Variants in SAMMSON observed in about 807,000 individuals in gnomAD.
SAMMSON encodes survival associated mitochondrial melanoma specific oncogenic non-coding RNA, also known as long intergenic non-protein coding RNA 1212.
chr3:70,362,030 C>T (rs1470105931), intron 9 of SAMMSON, among the ~76,000 whole-genome samples: 2 of 152,084 alleles, frequency 1.3e-5, no homozygotes, highest in African/African-American at 4.8e-5. Context: ...TACACCTTGG[C>T]TGTTGTCTAC....
intron 4 of SAMMSON, among the ~76,000 whole-genome samples, chr3:70,231,869 G>T (rs1701562935): frequency 6.6e-6 from 1 of 152,192 alleles, no homozygotes; most frequent in Admixed American, 6.5e-5. Context: ...CTGCTGTGAT[G>T]TGTGCATGTG....
intron 3 of SAMMSON, among the ~76,000 whole-genome samples, chr3:70,064,740 G>A (rs1216665205): frequency 6.6e-6 from 1 of 152,068 alleles, no homozygotes; most frequent in Non-Finnish European, 1.5e-5. Flanking sequence ...TTTGCTATTG[G>A]ATGAGTCATT....
chr3:70,125,118 C>G, intron 4 of SAMMSON: 2 of 1,397,056 alleles, frequency 1.4e-6, no homozygotes, highest in Non-Finnish European at 2.0e-6. Flanking sequence ...GCAGATCGAG[C>G]AAATTGAACC....
chr3:70,416,450 C>T (rs567194862), intron 2 of SAMMSON, among the ~76,000 whole-genome samples: 2 of 152,228 alleles, frequency 1.3e-5, no homozygotes, highest in Middle Eastern at 6.8e-3. Context: ...CTCTTTTTTA[C>T]TGTAAATATG....
At chr3:70,361,097 G>C (rs1702867561) in intron 9 of SAMMSON, among the ~76,000 whole-genome samples, 1 of 152,120 alleles carries the variant, frequency 6.6e-6, no homozygotes, top group African/African-American at 2.4e-5. Flanking sequence ...GAAGTGCTAA[G>C]ATGGAAACTG....
At chr3:70,254,649 A>C (rs894021970) in intron 6 of SAMMSON, among the ~76,000 whole-genome samples, 1 of 152,190 alleles carries the variant, frequency 6.6e-6, no homozygotes, top group Non-Finnish European at 1.5e-5. Context: ...ACTACCTAGA[A>C]GTTTACTATT....
At chr3:70,406,521 TAGC>T (rs1275417643) in intron 2 of SAMMSON, among the ~76,000 whole-genome samples, 1 of 152,086 alleles carries the variant, frequency 6.6e-6, no homozygotes, top group Non-Finnish European at 1.5e-5. Flanking sequence ...AAAGTAAAAA[TAGC>T]AACCATATAT....
chr3:70,275,160 T>C (rs549624317), intron 6 of SAMMSON, among the ~76,000 whole-genome samples: 106 of 152,256 alleles, frequency 7.0e-4, no homozygotes, highest in African/African-American at 2.5e-3. Context: ...TTTTAACTTA[T>C]AAAAAAGTTA....
chr3:70,074,108 T>C (rs1357443721), intron 4 of SAMMSON, among the ~76,000 whole-genome samples: 1 of 152,032 alleles, frequency 6.6e-6, no homozygotes, highest in Non-Finnish European at 1.5e-5. Flanking sequence ...AATGATGATA[T>C]TAATCAATTG....
intron 1 of SAMMSON, among the ~76,000 whole-genome samples, chr3:70,000,725 T>A (rs2066902555): frequency 6.6e-6 from 1 of 152,174 alleles, no homozygotes; most frequent in Admixed American, 6.5e-5. Context: ...AATATCACCA[T>A]TGTTTGCTTT....
chr3:70,297,148 A>G (rs1191233622), intron 7 of SAMMSON, among the ~76,000 whole-genome samples: 2 of 152,168 alleles, frequency 1.3e-5, no homozygotes, highest in African/African-American at 2.4e-5. Flanking sequence ...AAATATTTTT[A>G]TGCACAGTAC....
At chr3:70,286,594 A>G (rs1702166230) in intron 6 of SAMMSON, among the ~76,000 whole-genome samples, 1 of 151,938 alleles carries the variant, frequency 6.6e-6, no homozygotes, top group Non-Finnish European at 1.5e-5. Context: ...AATTCTGTGA[A>G]GAAAGTCATT....
At chr3:70,070,804 A>G (rs964475646) in intron 3 of SAMMSON, among the ~76,000 whole-genome samples, 1 of 152,078 alleles carries the variant, frequency 6.6e-6, no homozygotes, top group African/African-American at 2.4e-5. Flanking sequence ...ACATCGTCTT[A>G]TATTAACATG....
At chr3:70,023,666 A>C (rs764076630) in intron 3 of SAMMSON, among the ~76,000 whole-genome samples, 1 of 152,052 alleles carries the variant, frequency 6.6e-6, no homozygotes, top group Non-Finnish European at 1.5e-5. Context: ...TTGATTCAGT[A>C]ATTATCGGTG....
At chr3:70,314,885 T>A (rs1040244811) in intron 7 of SAMMSON, among the ~76,000 whole-genome samples, 1 of 152,126 alleles carries the variant, frequency 6.6e-6, no homozygotes, top group Non-Finnish European at 1.5e-5. Flanking sequence ...TCTGTGTTCA[T>A]TTTTATATAC....
intron 3 of SAMMSON, among the ~76,000 whole-genome samples, chr3:70,052,829 C>A (rs2107589740): frequency 6.6e-6 from 1 of 152,116 alleles, no homozygotes; most frequent in East Asian, 1.9e-4. Flanking sequence ...ACAAAATTGC[C>A]CTCATTTGAG....
intron 4 of SAMMSON, among the ~76,000 whole-genome samples, chr3:70,152,547 A>T (rs1004005850): frequency 3.3e-5 from 5 of 152,034 alleles, no homozygotes; most frequent in Non-Finnish European, 7.4e-5. Context: ...TATTTTCTGC[A>T]GACCCCAAGG....
intron 4 of SAMMSON, among the ~76,000 whole-genome samples, chr3:70,118,917 T>C (rs1205870843): frequency 1.3e-5 from 2 of 152,196 alleles, no homozygotes; most frequent in Non-Finnish European, 2.9e-5. Context: ...CCAGAAAATA[T>C]GAGGAGATAG....
chr3:70,246,271 A>G (rs1262145900), intron 4 of SAMMSON, among the ~76,000 whole-genome samples: 1 of 152,090 alleles, frequency 6.6e-6, no homozygotes, highest in Non-Finnish European at 1.5e-5. Context: ...GGAGGAAAGG[A>G]TAAAGGTCAC....
Sources: gnomAD v4.1 joint callset for allele counts (sites outside exome capture counted in the v4.1 genomes callset) on GRCh38, gnomAD v4.1.1 for gene constraint, MANE v1.5 for transcripts, NCBI Gene and HGNC (gene_info 2026-07-23, HGNC 2026-07-21) for gene names.